IDH3B: variants seen among roughly 807,000 people sequenced by gnomAD.
The protein encoded by IDH3B is isocitrate dehydrogenase [NAD] subunit beta, mitochondrial.
IDH3B carries 40 observed loss-of-function variants against 47.5 expected under a neutral mutation model. The observed-to-expected ratio is 0.84, with a 90% CI of 0.65 to 1.10. The LOEUF is 1.10. IDH3B is among the 50% of genes least tolerant of loss of function. The pLI is 0.00. For synonymous variants in IDH3B, 185 were observed against 191.0 expected (o/e 0.97, Z 0.26); for missense variants, 450 against 505.2 (o/e 0.89, Z 1.05).
chr20:2,659,132 A>C (rs1480503698), intron 11 of IDH3B: 2 of 1,434,866 alleles, frequency 1.4e-6, no homozygotes, highest in African/African-American at 2.9e-5. Flanking sequence ...AATAGAGACA[A>C]GACCAGGTGG....
intron 3 of IDH3B, 30 bp from the exon 4 acceptor site, chr20:2,663,596 G>A (rs771116491): frequency 2.5e-6 from 4 of 1,614,148 alleles, no homozygotes; most frequent in South Asian, 2.2e-5. Context: ...AAACATCACA[G>A]TCAAGGCCAA....
In IDH3B at chr20:2,658,698, A is replaced by G; in HGVS notation, c.*53T>C. ...CAAGGTCTCTTCCCTGGTACACTGC[A>G]CTGAAGGGTATGGGGAGTGTGGTCC... On this transcript the variant is annotated 3_prime_UTR_variant, in exon 12 of 12. Coordinates refer to ENST00000380843, the MANE Select transcript of IDH3B (RefSeq NM_006899.5). The G allele has an allele frequency of 6.2e-7, 1 of 1,614,178 alleles. No individual in the cohort carries two copies. The highest frequency in any genetic ancestry group is 8.5e-7 in the Non-Finnish European group (1 of 1,180,024).
chr20:2,658,670 G>A lies in IDH3B; in HGVS notation c.*81C>T. ...GGTGACCATGGTCCACTGCTTAGAG[G>A]CACAAGGTCTCTTCCCTGGTACACT... On this transcript the variant is annotated 3_prime_UTR_variant, in exon 12 of 12. Coordinates refer to ENST00000380843, the MANE Select transcript of IDH3B (RefSeq NM_006899.5). 11 of 1,614,062 alleles carry A rather than the reference G, an allele frequency of 6.8e-6. No individual in the cohort carries two copies. In the South Asian group the frequency reaches 1.1e-4, roughly 16 times the overall value.
In IDH3B at chr20:2,658,585, A is replaced by T; in HGVS notation, c.*166T>A. On this transcript the variant is annotated 3_prime_UTR_variant, in exon 12 of 12. Coordinates refer to ENST00000380843, the MANE Select transcript of IDH3B (RefSeq NM_006899.5). ...CTCCATCCTAACAATCCCCATCACC[A>T]CCCAACAGTCTGTCCCCTAAGGAAG... 1 of 1,611,798 alleles carries T rather than the reference A, an allele frequency of 6.2e-7. No individual in the cohort carries two copies. The highest frequency in any genetic ancestry group is 8.5e-7 in the Non-Finnish European group (1 of 1,178,938).
chr20:2,662,118 C>T (rs1440791618), intron 4 of IDH3B, among the ~76,000 whole-genome samples: 1 of 152,224 alleles, frequency 6.6e-6, no homozygotes, highest in African/African-American at 2.4e-5. Context: ...TAATTTCAGA[C>T]TGATGGCCTC....
rs940426994 is a variant in IDH3B, at chr20:2,663,519, C to T, written c.264G>A (p.Val88=). The T allele has an allele frequency of 1.9e-6, 3 of 1,614,214 alleles. No homozygotes were observed. The highest frequency in any genetic ancestry group is 1.7e-6 in the Non-Finnish European group (2 of 1,180,032). ...GCTTCTCCTCAGATGCCATATTCTG[C>T]ACCTCACTCAGGTGGTGCTCCTGGA... ...VEFQEHHLSE[V]QNMASEEKLE... is the part of the protein sequence containing the mutation. Residue 88 remains valine (V), a synonymous_variant, in exon 4 of 12, where the codon GTG becomes GTA. Transcript: ENST00000380843.
rs151274415 is a variant in IDH3B, at chr20:2,664,189, G to C, written c.-1C>G. The C allele has an allele frequency of 6.2e-7, 1 of 1,613,498 alleles. No individual in the cohort carries two copies. The highest frequency in any genetic ancestry group is 2.2e-5 in the East Asian group (1 of 44,872). On this transcript the variant is annotated 5_prime_UTR_variant, in exon 1 of 12. Coordinates refer to ENST00000380843, the MANE Select transcript of IDH3B (RefSeq NM_006899.5). ...AGCGGACTCCGCTCAATGCCGCCAT[G>C]TTTCCCGCAGGAAGTCGCGTGGGAA...
intron 11 of IDH3B, chr20:2,659,181 G>C: frequency 8.2e-7 from 1 of 1,216,214 alleles, no homozygotes. Context: ...GGGGCGTGAA[G>C]GTGAAGCTGA....
At chr20:2,663,372 G>A (rs1568551240) in intron 4 of IDH3B, 74 bp downstream of exon 4, 3 of 1,549,684 alleles carry the variant, frequency 1.9e-6, no homozygotes, top group Non-Finnish European at 2.7e-6. Context: ...AGCATGTGGG[G>A]AGAAGGGCTT....
In IDH3B at chr20:2,664,025, G is replaced by C. The variant is rs557069836; in HGVS notation, c.37-20C>G. 6.2e-7 allele frequency: 1 copy of C among 1,613,778 alleles called. No individual in the cohort carries two copies. The highest frequency in any genetic ancestry group is 1.1e-5 in the South Asian group (1 of 91,080). On this transcript the variant is annotated intron_variant, in intron 1 of 11. Coordinates refer to ENST00000380843, the MANE Select transcript of IDH3B (RefSeq NM_006899.5). The stretch of plus-strand genomic sequence containing the variant: ...CAGCGCCTGCAACAGGGACACACAA[G>C]CCTGTAAGGTCAGCTTTGAGACATC...
In IDH3B at chr20:2,662,798, C is replaced by T. The variant is rs1016592646; in HGVS notation, c.337+648G>A. ...TGAAACCCCATCTCTACTAAAAATACAAAAATTAGCCAGGCATGGTGGCAC... is the reference window on the plus strand; with the variant it reads ...TGAAACCCCATCTCTACTAAAAATATAAAAATTAGCCAGGCATGGTGGCAC... On this transcript the variant is annotated intron_variant, in intron 4 of 11. Coordinates refer to ENST00000380843, the MANE Select transcript of IDH3B (RefSeq NM_006899.5). Among the ~76,000 whole-genome samples the T allele has an allele frequency of 6.6e-5, 10 of 152,144 alleles. No homozygotes were observed. The East Asian group carries it at 1.7e-3, about 26-fold the overall frequency.
chr20:2,660,037 A>G lies in IDH3B; in HGVS notation c.908T>C (p.Phe303Ser), dbSNP rs751036004. The part of the protein sequence containing the change: ...GESYSAEYAV[F>S]ETGARHPFAQ... ...GGGAGAAAGCAGCCTCACCGTCTCA[A>G]AGACTGCGTATTCTGCACTATAGCT... The change falls in exon 9 of 12, where the codon TTT becomes TCT. Residue 303 changes from phenylalanine (F) to serine (S), a missense_variant. Transcript: ENST00000380843. This position sits in a 1 kb window ranked among gnomAD's most constrained non-coding sequence, Gnocchi z 5.6. 2 of 1,613,980 alleles carry G rather than the reference A, an allele frequency of 1.2e-6. No individual in the cohort carries two copies. The highest frequency in any genetic ancestry group is 1.7e-6 in the Non-Finnish European group (2 of 1,179,994).
intron 4 of IDH3B, among the ~76,000 whole-genome samples, chr20:2,662,870 T>A (rs2086972152): frequency 1.3e-5 from 2 of 152,190 alleles, no homozygotes; most frequent in Admixed American, 6.5e-5. Flanking sequence ...GGCAGGAGAA[T>A]CACTTGAACC....
chr20:2,660,691 C>T lies in IDH3B; in HGVS notation c.531+6G>A, dbSNP rs1316994270. ...CCTTGCCCTCCCCCAGTTTCTGGGG[C>T]CTCACCTCATGTTCCAGAGAGCTGT... On this transcript the variant is annotated splice_donor_region_variant and intron_variant, in intron 6 of 11. Transcript: ENST00000380843. This position sits in a 1 kb window ranked among gnomAD's most constrained non-coding sequence, Gnocchi z 5.6. The T allele has an allele frequency of 6.2e-7, 1 of 1,614,218 alleles. No individual in the cohort carries two copies. The highest frequency in any genetic ancestry group is 1.7e-5 in the Admixed American group (1 of 60,032).
intron 2 of IDH3B, 56 bp downstream of exon 2, chr20:2,663,869 G>A (rs1249183510): frequency 8.8e-6 from 14 of 1,597,972 alleles, no homozygotes; most frequent in Admixed American, 3.3e-5. Flanking sequence ...CCAGGGGAGG[G>A]AGCAGCGAGG....
chr20:2,659,272 G>T, intron 11 of IDH3B: 1 of 1,453,388 alleles, frequency 6.9e-7, no homozygotes, highest in Non-Finnish European at 9.0e-7. Context: ...CCATGAAAAG[G>T]GCAGTGGATG....
At chr20:2,663,323 A>T (rs1264847437) in intron 4 of IDH3B, 123 bp downstream of exon 4, 83 of 1,181,438 alleles carry the variant, frequency 7.0e-5, no homozygotes, top group Non-Finnish European at 9.3e-5. Context: ...AAATGTCCAA[A>T]TACCAATGGT....
rs561350905 is a variant in IDH3B at position 2,660,580 on chromosome 20, C to T, written c.542G>A (p.Gly181Asp). 6.2e-6 allele frequency: 10 copies of T among 1,614,140 alleles called. No homozygotes were observed. Among genetic ancestry groups the T allele is most frequent in the African/African-American group, 5.3e-5 (4 of 75,034 alleles). ...GACAATCTTCAAACACTCAATCACA[C>T]CCCTTGCACTCTGGGTAAGAAGAAA... ...YSSLEHESAR[G>D]VIECLKIVTR... The change falls in exon 7 of 12, where the codon GGT becomes GAT. Residue 181 changes from glycine to aspartate, a missense_variant. Transcript: ENST00000380843. This position sits in a 1 kb window ranked among gnomAD's most constrained non-coding sequence, Gnocchi z 5.6.
intron 4 of IDH3B, 73 bp from the exon 5 acceptor site, chr20:2,661,042 C>T: frequency 1.6e-6 from 2 of 1,289,294 alleles, no homozygotes; most frequent in Non-Finnish European, 1.1e-6. Context: ...AGTGTCTAAC[C>T]CCCTTAGGAA....
Sources: gnomAD v4.1 joint callset for allele counts (sites outside exome capture counted in the v4.1 genomes callset) on GRCh38, gnomAD v4.1.1 for gene constraint, Gnocchi (gnomAD v3.1) non-coding constraint, MANE v1.5 for transcripts, NCBI Gene and HGNC (gene_info 2026-07-23, HGNC 2026-07-21) for gene names.